Variants in AHNAK observed in about 807,000 individuals in gnomAD.
The protein encoded by AHNAK is AHNAK nucleoprotein.
Under a neutral mutation model 37.8 loss-of-function variants are expected in AHNAK, and 23 were observed. The observed-to-expected ratio is 0.61, with a 90% CI of 0.44 to 0.86. The LOEUF is 0.86. AHNAK is among the 40% of genes least tolerant of loss of function. The pLI is 0.00. For missense variants in AHNAK, 7,411 were observed against 7,319.4 expected, an observed-to-expected ratio of 1.01 and a Z score of -0.46; for synonymous variants, 2,481 against 2,636.3, an observed-to-expected ratio of 0.94 and a Z score of 1.80.
intron 4 of AHNAK, among the ~76,000 whole-genome samples, chr11:62,500,866 T>A (rs910585402): frequency 1.5e-4 from 23 of 152,146 alleles, no homozygotes; most frequent in Non-Finnish European, 2.8e-4. Context: ...CACTATCAAG[T>A]TTTTTCCCCC....
chr11:62,536,426 A>C, intron 2 of AHNAK, 43 bp downstream of exon 2: 1 of 245,052 alleles, frequency 4.1e-6, no homozygotes. Context: ...CCCTCCCCAC[A>C]TCCCGTCACC....
chr11:62,453,924 T>C (rs1938594040), intron 5 of AHNAK, among the ~76,000 whole-genome samples: 1 of 151,358 alleles, frequency 6.6e-6, no homozygotes, highest in Non-Finnish European at 1.5e-5. Flanking sequence ...CTGACCAACA[T>C]GGTGAAACCC....
At position 62,516,908 on chromosome 11, in the gene AHNAK, C is replaced by G; in HGVS notation, c.17509G>C (p.Glu5837Gln). The G allele has an allele frequency of 6.2e-7, 1 of 1,614,172 alleles. No homozygotes were observed. The highest frequency in any genetic ancestry group is 1.6e-4 in the Middle Eastern group (1 of 6,062). The change falls in exon 5 of 5, where the codon GAG (glutamate) becomes CAG (glutamine). Residue 5837 changes from glutamate (E) to glutamine (Q), a missense_variant. Transcript: ENST00000378024. The stretch of plus-strand genomic sequence containing the variant: ...GTCTCATCATCGCTCCCAGTCACCT[C>G]ATAATGACCTTTGCTCTTTGACCCC... ...GLGSKSKGHY[E>Q]VTGSDDETGK...
chr11:62,546,697 C>G lies in AHNAK; in HGVS notation c.-137G>C, dbSNP rs1490076243. 1 of 152,432 alleles carries G rather than the reference C, an allele frequency of 6.6e-6. No homozygotes were observed. Among genetic ancestry groups the G allele is most frequent in the African/African-American group, 2.4e-5 (1 of 41,476 alleles). 9.4% of individuals were successfully genotyped at this position (152,432 alleles called of 1,614,324 possible). A position where few individuals can be genotyped will look rare whatever the true frequency, so the allele number is the denominator to read the frequency against. ...CCCCAGGGCACGGCCATAGCCGGCG[C>G]GAGGCCCAAGGCTGCGGTGCTGCGG... On this transcript the variant is annotated 5_prime_UTR_variant, in exon 1 of 5. Transcript: ENST00000378024.
At chr11:62,508,800 G>A (rs987826034) in intron 4 of AHNAK, among the ~76,000 whole-genome samples, 2 of 152,206 alleles carry the variant, frequency 1.3e-5, no homozygotes, top group South Asian at 4.1e-4. Flanking sequence ...CTTTGTCCTC[G>A]TGAGGAAAGA....
chr11:62,491,688 A>G, intron 5 of AHNAK: 1 of 1,530,878 alleles, frequency 6.5e-7, no homozygotes, highest in Non-Finnish European at 8.9e-7. Flanking sequence ...TATCATTATC[A>G]TAATCAAGGT....
rs745573548 is a variant in AHNAK, at chr11:62,525,305, C to T, written c.9112G>A (p.Glu3038Lys). 1 of 1,613,268 alleles carries T rather than the reference C, an allele frequency of 6.2e-7. No homozygotes were observed. Among genetic ancestry groups the T allele is most frequent in the Non-Finnish European group, 8.5e-7 (1 of 1,179,854 alleles). ...AGGTTCACATCCACATCTGGGCCCT[C>T]TCCTTTGAAGCCAGGCATGCTGAAT... ...PKFSMPGFKG[E>K]GPDVDVNLPK... Residue 3038 changes from glutamate to lysine, a missense_variant, in exon 5 of 5, where the codon GAG (glutamate) becomes AAG (lysine). Physicochemically the swap from Glu to Lys is moderately conservative, Grantham distance 56. Transcript: ENST00000378024.
At chr11:62,493,943 G>A (rs1183550850) in intron 4 of AHNAK, among the ~76,000 whole-genome samples, 3 of 152,032 alleles carry the variant, frequency 2.0e-5, no homozygotes, top group Non-Finnish European at 2.9e-5. Context: ...CTTTGTCTCC[G>A]AGAGCTTAGC....
At chr11:62,492,350 C>G (rs763622602) in intron 4 of AHNAK, among the ~76,000 whole-genome samples, 1 of 152,154 alleles carries the variant, frequency 6.6e-6, no homozygotes, top group Admixed American at 6.5e-5. Flanking sequence ...GTTCCTGATG[C>G]CTTACACAGT....
At chr11:62,468,415 G>GACAGACTACAT (rs1351221550) in intron 5 of AHNAK, among the ~76,000 whole-genome samples, 2 of 151,708 alleles carry the variant, frequency 1.3e-5, no homozygotes, top group African/African-American at 4.8e-5. Flanking sequence ...ACAGACTACA[G>GACAGACTACAT]TAAGAGCTAG....
chr11:62,525,892 A>G lies in AHNAK; in HGVS notation c.8525T>C (p.Leu2842Pro), dbSNP rs1421992547. 6 of 1,614,052 alleles carry G rather than the reference A, an allele frequency of 3.7e-6. No individual in the cohort carries two copies. Among genetic ancestry groups the G allele is most frequent in the Non-Finnish European group, 5.1e-6 (6 of 1,180,042 alleles). ...TTTTATTTTTGGACCTGTGAGATTCAGGTCAATATCTGGCATGGATATCTT... is the reference window on the plus strand; with the variant it reads ...TTTTATTTTTGGACCTGTGAGATTCGGGTCAATATCTGGCATGGATATCTT... ...TPKISMPDID[L>P]NLTGPKIKGD... The change falls in exon 5 of 5, where the codon CTG becomes CCG. Residue 2842 changes from leucine to proline, a missense_variant. By Grantham distance (98) the Leu-to-Pro change is moderately conservative. Transcript: ENST00000378024.
intron 1 of AHNAK, among the ~76,000 whole-genome samples, chr11:62,539,108 G>A (rs956064585): frequency 3.3e-5 from 5 of 152,134 alleles, no homozygotes; most frequent in South Asian, 2.1e-4. Context: ...CCTCCCTTCC[G>A]GCTGCAGAGA....
At chr11:62,485,004 G>C (rs947072001) in intron 5 of AHNAK, among the ~76,000 whole-genome samples, 1 of 152,106 alleles carries the variant, frequency 6.6e-6, no homozygotes, top group African/African-American at 2.4e-5. Flanking sequence ...GGCCAGGCTG[G>C]TCTCGAACTC....
Position 62,521,892 on chromosome 11 carries a change from T to G in AHNAK, c.12525A>C (p.Pro4175=), listed in dbSNP as rs904147525. 8 of 1,607,098 alleles carry G rather than the reference T, an allele frequency of 5.0e-6. No individual in the cohort carries two copies. The Admixed American group carries it at 1.0e-4, about 20-fold the overall frequency. ...AGTCTGGGCCTTGAACGTCCACATC[T>G]GGGACATCAATGTCCACTTTGGGGC... ...IKGPKVDIDV[P]DVDVQGPDWH... is the part of the protein sequence containing the mutation. Residue 4175 remains proline (P), a synonymous_variant, in exon 5 of 5, where the codon CCA becomes CCC. Transcript: ENST00000378024.
rs1332408810 is a variant in AHNAK at position 62,531,802 on chromosome 11, T to C, written c.2615A>G (p.Asp872Gly). Residue 872 changes from aspartate (D) to glycine (G), a missense_variant, in exon 5 of 5, where the codon GAC becomes GGC. Transcript: ENST00000378024. ...CATCTTGGGCATCTTCAGGTGCCAG[T>C]CTGGGCCTTGAACCTCCACATCTGG... Reference protein sequence around the residue: ...DVPDVEVQGPDWHLKMPKMKM... With the variant: ...DVPDVEVQGPGWHLKMPKMKM... The C allele has an allele frequency of 6.2e-7, 1 of 1,613,574 alleles. No homozygotes were observed. The highest frequency in any genetic ancestry group is 1.1e-5 in the South Asian group (1 of 91,054).
intron 1 of AHNAK, among the ~76,000 whole-genome samples, chr11:62,539,890 G>A (rs558265324): frequency 8.3e-4 from 127 of 152,324 alleles, no homozygotes; most frequent in African/African-American, 2.4e-3. Flanking sequence ...ATTCAGTTCC[G>A]CGGAAGGGCA....
At chr11:62,535,284 C>T in intron 3 of AHNAK, 94 bp from the exon 4 acceptor site, 2 of 1,142,304 alleles carry the variant, frequency 1.8e-6, no homozygotes, top group South Asian at 1.5e-5. Flanking sequence ...CTGACTTGAA[C>T]TCATGACCAC....
chr11:62,453,905 AGGAACAGCCT>A, intron 5 of AHNAK, among the ~76,000 whole-genome samples: 1 of 151,912 alleles, frequency 6.6e-6, no homozygotes, highest in South Asian at 2.1e-4. Flanking sequence ...GCGGATCACA[AGGAACAGCCT>A]GACCAACATG....
Position 62,516,503 on chromosome 11 carries a change from T to C in AHNAK, c.*241A>G. 1 of 1,381,382 alleles carries C rather than the reference T, an allele frequency of 7.2e-7. No homozygotes were observed. Among genetic ancestry groups the C allele is most frequent in the Non-Finnish European group, 9.3e-7 (1 of 1,070,308 alleles). The allele number at this position is 1,381,382 out of a possible 1,614,324, so 85.6% of individuals were successfully genotyped here. A position where few individuals can be genotyped will look rare whatever the true frequency, so the allele number is the denominator to read the frequency against. The stretch of plus-strand genomic sequence containing the variant: ...AAAAAAATATATATATATGAAATCT[T>C]AAGGCAAATACTGTTGACTTTGCAC... On this transcript the variant is annotated 3_prime_UTR_variant, in exon 5 of 5. Transcript: ENST00000378024.
Sources: gnomAD v4.1 joint callset for allele counts (sites outside exome capture counted in the v4.1 genomes callset) on GRCh38, gnomAD v4.1.1 for gene constraint, MANE v1.5 for transcripts, NCBI Gene and HGNC (gene_info 2026-07-23, HGNC 2026-07-21) for gene names.